FOXO3: variants seen among roughly 807,000 people sequenced by gnomAD.
FOXO3 encodes forkhead box protein O3.
A neutral mutation model predicts 41.9 loss-of-function variants in FOXO3; 4 were observed. The ratio of observed to expected loss-of-function variants is 0.10; its 90% CI spans 0.05 to 0.22. The LOEUF (loss-of-function observed/expected upper bound fraction) is 0.22, where lower values mean the gene tolerates loss of function less well. Among genes scored for constraint, FOXO3 ranks in the 10% least tolerant of loss-of-function variants. The pLI, the probability that FOXO3 is intolerant of heterozygous loss-of-function variation, is 1.00. For synonymous variants in FOXO3, 318 were observed against 389.3 expected (o/e 0.82, Z 2.16); for missense variants, 534 against 906.8 (o/e 0.59, Z 5.28).
chr6:108,664,940 G>T, intron 2 of FOXO3, 51 bp downstream of exon 2: 4 of 1,456,086 alleles, frequency 2.7e-6, no homozygotes, highest in African/African-American at 1.4e-5. Context: ...GATGAGGGGG[G>T]ATCTCTGGGG....
Position 108,663,781 on chromosome 6 carries a change from C to T in FOXO3, c.948C>T (p.Asn316=), listed in dbSNP as rs1295864390. 6.2e-6 allele frequency: 10 copies of T among 1,613,952 alleles called. No homozygotes were observed. The highest frequency in any genetic ancestry group is 1.1e-5 in the South Asian group (1 of 91,076). Residue 316 remains asparagine (N), a synonymous_variant, in exon 2 of 3, where the codon AAC becomes AAT. Transcript: ENST00000406360. The part of the protein sequence containing the change: ...WTDFRSRTNS[N]ASTVSGRLSP... The stretch of plus-strand genomic sequence containing the variant: ...ACTTCCGTTCACGCACCAATTCTAA[C>T]GCCAGCACAGTCAGTGGCCGCCTGT...
At chr6:108,578,188 G>A (rs577360235) in intron 1 of FOXO3, among the ~76,000 whole-genome samples, 6 of 152,238 alleles carry the variant, frequency 3.9e-5, no homozygotes, top group East Asian at 1.9e-4. Flanking sequence ...TCAACATCAC[G>A]TAGGAACATC....
chr6:108,562,087 GGGAA>G (rs1775815565), intron 1 of FOXO3, among the ~76,000 whole-genome samples: 1 of 152,176 alleles, frequency 6.6e-6, no homozygotes, highest in Non-Finnish European at 1.5e-5. Flanking sequence ...ACGCCGGCGA[GGGAA>G]GGGCGAACGG....
rs1243637204 is a variant in FOXO3 at position 108,648,281 on chromosome 6, G to T, written c.622-15174G>T. On this transcript the variant is annotated intron_variant, in intron 1 of 2. Transcript: ENST00000406360. ...GAGTAGGAATGGACATAAGGTGTCT[G>T]TTCTTGTATTGGTGGAAGAGGAAGG... Among the ~76,000 whole-genome samples the T allele has an allele frequency of 2.6e-5, 4 of 152,172 alleles. No homozygotes were observed. In the East Asian group the frequency reaches 7.7e-4, roughly 29 times the overall value.
intron 1 of FOXO3, among the ~76,000 whole-genome samples, chr6:108,652,260 G>A (rs1778565487): frequency 1.3e-5 from 2 of 152,210 alleles, no homozygotes. Flanking sequence ...CCCAGTTCAG[G>A]TTAGGACATG....
chr6:108,622,256 CAAAAAA>C (rs984779744), intron 1 of FOXO3, among the ~76,000 whole-genome samples: 3 of 48,458 alleles, frequency 6.2e-5, no homozygotes, highest in East Asian at 7.4e-4. Flanking sequence ...AAGACTGTCT[CAAAAAA>C]AAAAAAAAAA....
At chr6:108,586,926 C>G (rs1051708406) in intron 1 of FOXO3, among the ~76,000 whole-genome samples, 6 of 141,890 alleles carry the variant, frequency 4.2e-5, no homozygotes, top group African/African-American at 1.6e-4. Flanking sequence ...CACTATAAAC[C>G]TGAACGTAAA....
At position 108,681,228 on chromosome 6, in the gene FOXO3, T is replaced by G. The variant is rs1770837982; in HGVS notation, c.*1436T>G. On this transcript the variant is annotated 3_prime_UTR_variant, in exon 3 of 3. Coordinates refer to ENST00000406360, the MANE Select transcript of FOXO3 (RefSeq NM_001455.4). ...GAAATTGGTATAACGATGCTCTGAT[T>G]AGCACAGTATATGCATACTTCTCCA... 1 of 152,700 alleles carries G rather than the reference T, an allele frequency of 6.5e-6. No homozygotes were observed. Among genetic ancestry groups the G allele is most frequent in the South Asian group, 2.1e-4 (1 of 4,830 alleles). 9.5% of individuals were successfully genotyped at this position (152,700 alleles called of 1,614,324 possible). A position where few individuals can be genotyped will look rare whatever the true frequency, so the allele number is the denominator to read the frequency against.
At chr6:108,612,215 T>C (rs1777383559) in intron 1 of FOXO3, among the ~76,000 whole-genome samples, 1 of 152,222 alleles carries the variant, frequency 6.6e-6, no homozygotes, top group Non-Finnish European at 1.5e-5. Flanking sequence ...TTTGATACTA[T>C]TGTAAATGAT....
chr6:108,568,183 G>C (rs1439851829), intron 1 of FOXO3, among the ~76,000 whole-genome samples: 3 of 151,568 alleles, frequency 2.0e-5, no homozygotes, highest in Non-Finnish European at 4.4e-5. Flanking sequence ...CTGCACTCCA[G>C]CCTGGATGAC....
chr6:108,650,390 A>T (rs1349565299), intron 1 of FOXO3, among the ~76,000 whole-genome samples: 1 of 152,160 alleles, frequency 6.6e-6, no homozygotes, highest in African/African-American at 2.4e-5. Flanking sequence ...CCCCTGAGGC[A>T]CCCAGTTATA....
intron 1 of FOXO3, among the ~76,000 whole-genome samples, chr6:108,647,456 C>T (rs1334968848): frequency 6.6e-6 from 1 of 152,174 alleles, no homozygotes; most frequent in Non-Finnish European, 1.5e-5. Flanking sequence ...CCACAAATAG[C>T]ATCACAGCAA....
intron 2 of FOXO3, among the ~76,000 whole-genome samples, chr6:108,676,574 A>G (rs1019827690): frequency 6.6e-6 from 1 of 152,242 alleles, no homozygotes; most frequent in Non-Finnish European, 1.5e-5. Context: ...CTAGAAGAGC[A>G]TCGACACATA....
At chr6:108,657,488 G>T (rs1440809321) in intron 1 of FOXO3, among the ~76,000 whole-genome samples, 1 of 152,152 alleles carries the variant, frequency 6.6e-6, no homozygotes, top group Non-Finnish European at 1.5e-5. Flanking sequence ...CTTAAGGAAG[G>T]CACATCCCTA....
At chr6:108,626,925 T>A (rs1386889997) in intron 1 of FOXO3, among the ~76,000 whole-genome samples, 1 of 152,216 alleles carries the variant, frequency 6.6e-6, no homozygotes, top group Non-Finnish European at 1.5e-5. Flanking sequence ...GCTAAAGGGC[T>A]TGTTTTTTAT....
chr6:108,560,792 T>A, upstream of FOXO3: 102 of 257,742 alleles, frequency 4.0e-4, no homozygotes, highest in East Asian at 8.2e-4. Flanking sequence ...CGGGCGCCCC[T>A]CCCCCTTCTC....
chr6:108,658,241 A>ACCTT (rs1291191836), intron 1 of FOXO3, among the ~76,000 whole-genome samples: 1 of 152,126 alleles, frequency 6.6e-6, no homozygotes, highest in Non-Finnish European at 1.5e-5. Flanking sequence ...TCAATGCCCT[A>ACCTT]CCTTCAGATT....
At chr6:108,677,866 A>G (rs949966063) in intron 2 of FOXO3, among the ~76,000 whole-genome samples, 2 of 152,148 alleles carry the variant, frequency 1.3e-5, no homozygotes, top group African/African-American at 4.8e-5. Context: ...TACTCCCTCT[A>G]GAATCAACAA....
Position 108,577,654 on chromosome 6 carries a change from C to T in FOXO3, c.621+15825C>T, listed in dbSNP as rs376999068. ...GCATCTATGTTTTTTAAGCTTCCCA[C>T]GTGGTGATAATGTATAGCCAGGATT... On this transcript the variant is annotated intron_variant, in intron 1 of 2. Coordinates refer to ENST00000406360, the MANE Select transcript of FOXO3 (RefSeq NM_001455.4). 4.9e-4 allele frequency among the ~76,000 whole-genome samples: 74 copies of T among 152,286 alleles called. 1 individual carries two copies. The highest frequency in any genetic ancestry group is 9.6e-4 in the Non-Finnish European group (65 of 68,024).
Sources: gnomAD v4.1 joint callset for allele counts (sites outside exome capture counted in the v4.1 genomes callset) on GRCh38, gnomAD v4.1.1 for gene constraint, MANE v1.5 for transcripts, NCBI Gene and HGNC (gene_info 2026-07-23, HGNC 2026-07-21) for gene names.